The following TENM3 variants were observed in gnomAD, a reference collection of about 807,000 sequenced individuals.
TENM3 encodes the protein teneurin transmembrane protein 3.
A neutral mutation model predicts 255.1 loss-of-function variants in TENM3; 63 were observed. That is an observed-to-expected ratio of 0.25 (90% CI 0.20 to 0.30). The LOEUF (loss-of-function observed/expected upper bound fraction) is 0.30, where lower values mean the gene tolerates loss of function less well. Ranked by LOEUF, TENM3 falls within the 10% of genes least tolerant of loss-of-function variation. The probability of loss-of-function intolerance (pLI) is 1.00; values close to 1 mark genes in which losing one functional copy is unlikely to be tolerated. For synonymous variants in TENM3, 1,306 were observed against 1,322.3 expected (o/e 0.99, Z 0.27); for missense variants, 2,929 against 3,461.1 (o/e 0.85, Z 3.86).
At chr4:182,396,884 C>T (rs1035313516) in intron 3 of TENM3, among the ~76,000 whole-genome samples, 8 of 151,294 alleles carry the variant, frequency 5.3e-5, no homozygotes, top group Non-Finnish European at 7.4e-5. Context: ...ATTGCTTGTA[C>T]GCGAGAGTGG....
chr4:182,462,704 T>C (rs1352198405), intron 3 of TENM3, among the ~76,000 whole-genome samples: 3 of 151,842 alleles, frequency 2.0e-5, no homozygotes, highest in South Asian at 2.1e-4. Flanking sequence ...CTGGCCAACA[T>C]GGTGAAACCC....
chr4:182,254,012 T>C (rs2150128649), intron 1 of TENM3, among the ~76,000 whole-genome samples: 1 of 152,370 alleles, frequency 6.6e-6, no homozygotes, highest in South Asian at 2.1e-4. Flanking sequence ...CCTTGTATCT[T>C]TCACCCATTC....
chr4:182,681,102 G>A (rs1164925651), intron 10 of TENM3, among the ~76,000 whole-genome samples: 5 of 152,098 alleles, frequency 3.3e-5, no homozygotes, highest in African/African-American at 1.2e-4. Context: ...AGACAGAGTA[G>A]TACACATAAT....
chr4:182,379,153 G>T (rs887602667), intron 3 of TENM3, among the ~76,000 whole-genome samples: 1 of 152,070 alleles, frequency 6.6e-6, no homozygotes, highest in Non-Finnish European at 1.5e-5. Context: ...CGGGGCGGGC[G>T]GATCAGCCTG....
intron 26 of TENM3, among the ~76,000 whole-genome samples, chr4:182,794,460 G>A (rs910502875): frequency 6.6e-6 from 1 of 152,156 alleles, no homozygotes; most frequent in African/African-American, 2.4e-5. Flanking sequence ...TCCCTGGGAG[G>A]TGTTTAATTC....
the TENM3 span, among the ~76,000 whole-genome samples, chr4:181,820,905 A>G: frequency 1.3e-5 from 2 of 152,156 alleles, no homozygotes; most frequent in Non-Finnish European, 2.9e-5. Context: ...CTCCTTCGAC[A>G]CAATCTAAAT....
intron 1 of TENM3, among the ~76,000 whole-genome samples, chr4:182,161,636 T>C (rs1180625671): frequency 3.3e-5 from 3 of 90,380 alleles, no homozygotes; most frequent in Non-Finnish European, 6.3e-5. Flanking sequence ...CAAATATATA[T>C]ATGTATATAT....
the TENM3 span, among the ~76,000 whole-genome samples, chr4:181,658,125 G>A: frequency 1.3e-5 from 2 of 152,082 alleles, no homozygotes; most frequent in Non-Finnish European, 1.5e-5. Flanking sequence ...ACCTGCACAT[G>A]TACTCTCTGA....
the TENM3 span, among the ~76,000 whole-genome samples, chr4:181,676,990 T>TTTTTTTTTTTTTTTTTTTTTTTTTC: frequency 1.3e-4 from 1 of 7,704 alleles, no homozygotes. Flanking sequence ...CGATTTTATC[T>TTTTTTTTTTTTTTTTTTTTTTTTTC]TTTTTTTTTT....
intron 3 of TENM3, among the ~76,000 whole-genome samples, chr4:182,362,525 C>T (rs1766089158): frequency 6.6e-6 from 1 of 152,178 alleles, no homozygotes; most frequent in Admixed American, 6.5e-5. Flanking sequence ...ACCCTCCGAG[C>T]CATGTGCGGG....
At chr4:181,669,884 A>G in the TENM3 span, among the ~76,000 whole-genome samples, 18 of 152,176 alleles carry the variant, frequency 1.2e-4, no homozygotes, top group African/African-American at 4.3e-4. Flanking sequence ...CTGCTGAAAC[A>G]TTCCAGCACA....
chr4:182,604,447 A>G (rs1006222587), intron 4 of TENM3, among the ~76,000 whole-genome samples: 13 of 152,308 alleles, frequency 8.5e-5, no homozygotes, highest in African/African-American at 3.1e-4. Flanking sequence ...CTTTTAGGGC[A>G]TTGGAGAGCC....
the TENM3 span, among the ~76,000 whole-genome samples, chr4:181,815,136 A>G: frequency 6.6e-6 from 1 of 152,110 alleles, no homozygotes; most frequent in Non-Finnish European, 1.5e-5. Flanking sequence ...GAAATACAAC[A>G]TGCAGCTATG....
chr4:181,502,518 G>A, the TENM3 span, among the ~76,000 whole-genome samples: 1 of 152,216 alleles, frequency 6.6e-6, no homozygotes, highest in Non-Finnish European at 1.5e-5. Context: ...GTGGGAACCT[G>A]AGAACAGAAC....
At chr4:182,095,182 T>C in the TENM3 span, among the ~76,000 whole-genome samples, 20 of 152,192 alleles carry the variant, frequency 1.3e-4, no homozygotes, top group African/African-American at 4.3e-4. Context: ...TGGGTATATA[T>C]CCAAAAGAAA....
the TENM3 span, among the ~76,000 whole-genome samples, chr4:181,723,882 T>G: frequency 6.6e-6 from 1 of 152,318 alleles, no homozygotes; most frequent in African/African-American, 2.4e-5. Flanking sequence ...ATTAGCAAAC[T>G]TTAGAAACTA....
chr4:182,424,687 C>T (rs910215865), intron 3 of TENM3, among the ~76,000 whole-genome samples: 6 of 152,054 alleles, frequency 3.9e-5, no homozygotes, highest in South Asian at 2.1e-4. Context: ...GTTAATTCCA[C>T]GGAAAAGTAA....
chr4:181,773,296 T>C, the TENM3 span, among the ~76,000 whole-genome samples: 146 of 152,314 alleles, frequency 9.6e-4, 1 homozygote, highest in Admixed American at 2.9e-3. Flanking sequence ...CATGGAACTC[T>C]TGAGATACGG....
chr4:182,341,128 C>T (rs115745385), intron 2 of TENM3, among the ~76,000 whole-genome samples: 5 of 151,968 alleles, frequency 3.3e-5, no homozygotes, highest in African/African-American at 1.2e-4. Context: ...TGAGCTTCCC[C>T]TAGAAGAGGC....
Sources: gnomAD v4.1 joint callset for allele counts (sites outside exome capture counted in the v4.1 genomes callset) on GRCh38, gnomAD v4.1.1 for gene constraint, MANE v1.5 for transcripts, NCBI Gene and HGNC (gene_info 2026-07-23, HGNC 2026-07-21) for gene names.